The following BNC2 variants were observed in gnomAD, a reference collection of about 807,000 sequenced individuals.
The protein encoded by BNC2 is zinc finger protein basonuclin-2.
In BNC2, 20 loss-of-function variants were observed where a neutral mutation model predicts 76.3. The observed-to-expected ratio is 0.26, with a 90% CI of 0.18 to 0.38. The LOEUF (loss-of-function observed/expected upper bound fraction) is 0.38, where lower values mean the gene tolerates loss of function less well. Among genes scored for constraint, BNC2 ranks in the 10% least tolerant of loss-of-function variants. The probability of loss-of-function intolerance (pLI) is 1.00; values close to 1 mark genes in which losing one functional copy is unlikely to be tolerated. For synonymous variants in BNC2, 582 were observed against 514.8 expected (o/e 1.13, Z -1.77); for missense variants, 1,382 against 1,399.8 (o/e 0.99, Z 0.20).
chr9:16,695,564 G>C lies in BNC2; in HGVS notation c.330+32233C>G, dbSNP rs535509926. ...TTTTTTTTTTTTTTTGATAAAAATG[G>C]GGGTCTTGCTAAGTTACCCAGGCTG... On this transcript the variant is annotated intron_variant, in intron 3 of 6. Coordinates refer to ENST00000380672, the MANE Select transcript of BNC2 (RefSeq NM_017637.6). 3.4e-5 allele frequency among the ~76,000 whole-genome samples: 5 copies of C among 149,220 alleles called. No individual in the cohort carries two copies. The East Asian group carries it at 9.8e-4, about 29-fold the overall frequency.
chr9:16,648,031 T>C (rs902255592), intron 3 of BNC2, among the ~76,000 whole-genome samples: 4 of 152,160 alleles, frequency 2.6e-5, no homozygotes, highest in Non-Finnish European at 5.9e-5. Context: ...ACTGGTCCCT[T>C]TGAAGACAAA....
chr9:16,476,968 C>T (rs191998292), intron 5 of BNC2, among the ~76,000 whole-genome samples: 22 of 152,176 alleles, frequency 1.4e-4, no homozygotes, highest in Admixed American at 3.3e-4. Context: ...ATGTAGGATC[C>T]AGAAGAGCCT....
chr9:16,810,852 G>C (rs1000227220), intron 1 of BNC2, among the ~76,000 whole-genome samples: 3 of 152,150 alleles, frequency 2.0e-5, no homozygotes, highest in African/African-American at 7.2e-5. Flanking sequence ...TCTTTTTCAA[G>C]AGAAACCAGA....
chr9:16,870,154 G>T (rs1461264755), intron 1 of BNC2, among the ~76,000 whole-genome samples: 2 of 151,600 alleles, frequency 1.3e-5, no homozygotes, highest in Non-Finnish European at 2.9e-5. Flanking sequence ...CTGCGCCCCA[G>T]CGCACCCGGC....
intron 5 of BNC2, among the ~76,000 whole-genome samples, chr9:16,501,660 T>C (rs538586975): frequency 1.3e-3 from 200 of 152,266 alleles, no homozygotes; most frequent in African/African-American, 4.3e-3. Context: ...CTGAGATACA[T>C]AGAAAATCTA....
chr9:16,579,072 C>G (rs960784999), intron 4 of BNC2, among the ~76,000 whole-genome samples: 2 of 152,058 alleles, frequency 1.3e-5, no homozygotes, highest in Non-Finnish European at 2.9e-5. Context: ...TTAATGTGGG[C>G]AGGGTGGTGG....
intron 3 of BNC2, among the ~76,000 whole-genome samples, chr9:16,657,673 T>G (rs1419999806): frequency 6.6e-6 from 1 of 152,130 alleles, no homozygotes; most frequent in Non-Finnish European, 1.5e-5. Context: ...AGGAAAGAAT[T>G]AGAAATAAAC....
At chr9:16,609,017 G>T (rs1302649003) in intron 3 of BNC2, among the ~76,000 whole-genome samples, 1 of 152,120 alleles carries the variant, frequency 6.6e-6, no homozygotes, top group Non-Finnish European at 1.5e-5. Context: ...GGATTTTTCT[G>T]TGTTTCTTTA....
At chr9:16,796,651 GA>G (rs10710681) in intron 1 of BNC2, among the ~76,000 whole-genome samples, 29,397 of 145,578 alleles carry the variant, frequency 0.2, 4,332 homozygotes, top group East Asian at 0.7. Context: ...AAAGGAAAGA[GA>G]AAAAAAAAGA....
intron 1 of BNC2, among the ~76,000 whole-genome samples, chr9:16,869,150 T>C (rs1819614583): frequency 6.6e-6 from 1 of 152,088 alleles, no homozygotes; most frequent in African/African-American, 2.4e-5. Context: ...TCTAAACAGA[T>C]ATATTTAATA....
At chr9:16,545,138 G>A (rs111993189) in intron 5 of BNC2, among the ~76,000 whole-genome samples, 68 of 152,204 alleles carry the variant, frequency 4.5e-4, no homozygotes, top group African/African-American at 1.3e-3. Flanking sequence ...ACATATATAC[G>A]TGTGTATGTG....
At chr9:16,639,966 T>A (rs994922546) in intron 3 of BNC2, among the ~76,000 whole-genome samples, 1 of 152,086 alleles carries the variant, frequency 6.6e-6, no homozygotes, top group East Asian at 1.9e-4. Context: ...TTTTCCCCCA[T>A]TAGTGACAGA....
intron 1 of BNC2, chr9:16,775,517 G>T (rs1181566394): frequency 6.5e-6 from 1 of 152,710 alleles, no homozygotes; most frequent in African/African-American, 2.4e-5. Context: ...CAGGGTATCA[G>T]TTTCATTCAG....
At chr9:16,680,349 T>C (rs939899665) in intron 3 of BNC2, among the ~76,000 whole-genome samples, 1 of 152,044 alleles carries the variant, frequency 6.6e-6, no homozygotes, top group Non-Finnish European at 1.5e-5. Context: ...TAACAAAAAA[T>C]TTTTCCTCAG....
chr9:16,587,790 C>G (rs1252439881), intron 3 of BNC2, among the ~76,000 whole-genome samples: 1 of 152,128 alleles, frequency 6.6e-6, no homozygotes, highest in Non-Finnish European at 1.5e-5. Context: ...CTTCCAAGTC[C>G]TGCTTAAGTT....
At chr9:16,845,635 G>C (rs57800465) in intron 1 of BNC2, among the ~76,000 whole-genome samples, 1 of 151,994 alleles carries the variant, frequency 6.6e-6, no homozygotes, top group Admixed American at 6.6e-5. Context: ...GCAGGAGAAT[G>C]GCGTGAACTT....
At chr9:16,595,528 C>A (rs1466092612) in intron 3 of BNC2, among the ~76,000 whole-genome samples, 1 of 151,998 alleles carries the variant, frequency 6.6e-6, no homozygotes, top group African/African-American at 2.4e-5. Context: ...TCAAGTGAAA[C>A]CTCTCAGGTA....
At chr9:16,553,386 T>TA (rs767199454) in intron 4 of BNC2, among the ~76,000 whole-genome samples, 2 of 152,200 alleles carry the variant, frequency 1.3e-5, no homozygotes, top group Non-Finnish European at 2.9e-5. Flanking sequence ...TCCAAAAACT[T>TA]AGTTCTCTCA....
intron 5 of BNC2, among the ~76,000 whole-genome samples, chr9:16,543,586 A>C (rs1254220778): frequency 6.6e-6 from 1 of 152,176 alleles, no homozygotes; most frequent in Non-Finnish European, 1.5e-5. Context: ...TCCATCCTGG[A>C]ATCTGGTAAG....
Sources: gnomAD v4.1 joint callset for allele counts (sites outside exome capture counted in the v4.1 genomes callset) on GRCh38, gnomAD v4.1.1 for gene constraint, MANE v1.5 for transcripts, NCBI Gene and HGNC (gene_info 2026-07-23, HGNC 2026-07-21) for gene names.